Variants in CDKL2 observed in about 807,000 individuals in gnomAD.
CDKL2 encodes the protein cyclin-dependent kinase-like 2.
Under a neutral mutation model 63.9 loss-of-function variants are expected in CDKL2, and 64 were observed. The observed-to-expected ratio is 1.00, with a 90% CI of 0.82 to 1.23. The LOEUF is 1.23. Ranked by LOEUF, CDKL2 falls within the 50% of genes most tolerant of loss-of-function variation. The pLI, the probability that CDKL2 is intolerant of heterozygous loss-of-function variation, is 0.00. For synonymous variants in CDKL2, 211 were observed against 229.2 expected (o/e 0.92, Z 0.72); for missense variants, 656 against 668.0 (o/e 0.98, Z 0.20).
chr4:75,601,547 AG>A (rs751852756), intron 6 of CDKL2, among the ~76,000 whole-genome samples: 13 of 152,142 alleles, frequency 8.5e-5, no homozygotes, highest in Non-Finnish European at 1.6e-4. Flanking sequence ...GATTATCAAA[AG>A]GTTGATAATT....
intron 6 of CDKL2, 34 bp from the exon 7 acceptor site, chr4:75,600,403 A>G: frequency 1.6e-6 from 2 of 1,271,476 alleles, no homozygotes; most frequent in Non-Finnish European, 2.3e-6. Context: ...GTTCATATCA[A>G]GAAAAACTAC....
intron 4 of CDKL2, among the ~76,000 whole-genome samples, chr4:75,606,483 G>A (rs1729431340): frequency 6.6e-6 from 1 of 152,192 alleles, no homozygotes; most frequent in Non-Finnish European, 1.5e-5. Context: ...AAAGTGCTGG[G>A]ATTACAGGCA....
intron 2 of CDKL2, among the ~76,000 whole-genome samples, chr4:75,618,379 CG>C (rs2148906997): frequency 6.7e-6 from 1 of 150,282 alleles, no homozygotes; most frequent in South Asian, 2.1e-4. Flanking sequence ...CTCAGCCTCC[CG>C]AATAGCTGGG....
chr4:75,581,053 T>C lies in CDKL2; in HGVS notation c.*23+757A>G, dbSNP rs577889555. ...ATTTAAAAGGAAGTCAATAATTTGG[T>C]ATAGCACTGATCTCTCTTTATTGGG... On this transcript the variant is annotated intron_variant, in intron 13 of 13. Coordinates refer to ENST00000307465, the MANE Select transcript of CDKL2 (RefSeq NM_001330724.2). 1.4e-4 allele frequency among the ~76,000 whole-genome samples: 22 copies of C among 152,290 alleles called. No homozygotes were observed. In the South Asian group the frequency reaches 4.1e-3, roughly 29 times the overall value.
At chr4:75,605,774 C>G in intron 4 of CDKL2, 140 bp from the exon 5 acceptor site, 1 of 584,738 alleles carries the variant, frequency 1.7e-6, no homozygotes, top group South Asian at 2.4e-5. Context: ...TTGGCATGCT[C>G]CAATGGTATA....
chr4:75,588,073 G>A (rs1293891793), intron 12 of CDKL2, among the ~76,000 whole-genome samples: 1 of 151,686 alleles, frequency 6.6e-6, no homozygotes, highest in South Asian at 2.1e-4. Context: ...AATTAGCCGG[G>A]CGTGGTGGTG....
At chr4:75,628,334 A>G (rs893168162) in intron 1 of CDKL2, among the ~76,000 whole-genome samples, 1 of 151,994 alleles carries the variant, frequency 6.6e-6, no homozygotes, top group Non-Finnish European at 1.5e-5. Context: ...CCAGGATTGT[A>G]TCGATCTCCT....
At chr4:75,612,091 C>T (rs4859538) in intron 3 of CDKL2, among the ~76,000 whole-genome samples, 42,007 of 152,018 alleles carry the variant, frequency 0.28, 7,613 homozygotes, top group East Asian at 0.77. Flanking sequence ...TTGCCTCAGC[C>T]TCCCAAGCAG....
chr4:75,607,107 A>G, intron 4 of CDKL2, 76 bp downstream of exon 4: 2 of 1,163,164 alleles, frequency 1.7e-6, no homozygotes, highest in South Asian at 1.6e-5. Flanking sequence ...GGGATCATTT[A>G]CTATATCATA....
In CDKL2 at chr4:75,630,099, T is replaced by A. The variant is rs1367796213; in HGVS notation, c.-87A>T. On this transcript the variant is annotated 5_prime_UTR_variant, in exon 1 of 14. Transcript: ENST00000307465. ...AAAGGTTTTCAACTTGGAAACAAAT[T>A]TGAGGTGAAATGCATATGGTTCGCA... is the stretch of plus-strand genomic sequence containing the variant. The A allele has an allele frequency of 6.6e-6, 1 of 152,504 alleles. No individual in the cohort carries two copies. The highest frequency in any genetic ancestry group is 1.5e-5 in the Non-Finnish European group (1 of 68,028). 9.4% of individuals were successfully genotyped at this position (152,504 alleles called of 1,614,324 possible). A position where few individuals can be genotyped will look rare whatever the true frequency, so the allele number is the denominator to read the frequency against.
At chr4:75,592,350 C>A in intron 10 of CDKL2, 81 bp from the exon 11 acceptor site, 1 of 1,206,948 alleles carries the variant, frequency 8.3e-7, no homozygotes, top group Non-Finnish European at 1.1e-6. Flanking sequence ...CTCCTATGTT[C>A]ATATCCTAAA....
intron 2 of CDKL2, among the ~76,000 whole-genome samples, chr4:75,624,112 C>T (rs1263819164): frequency 4.9e-5 from 6 of 121,972 alleles, no homozygotes; most frequent in African/African-American, 1.9e-4. Context: ...GCCTAGATGA[C>T]AAGTGTGAAA....
chr4:75,587,903 CAAAA>C (rs72495158), intron 12 of CDKL2, among the ~76,000 whole-genome samples: 2 of 83,730 alleles, frequency 2.4e-5, no homozygotes, highest in Admixed American at 1.4e-4. Flanking sequence ...GATTCTGTCT[CAAAA>C]AAAAAAAAAA....
At chr4:75,606,194 G>T (rs1301669004) in intron 4 of CDKL2, among the ~76,000 whole-genome samples, 2 of 148,812 alleles carry the variant, frequency 1.3e-5, no homozygotes, top group African/African-American at 4.9e-5. Flanking sequence ...ACAATGAAGA[G>T]AACTGAGGGA....
Position 75,579,049 on chromosome 4 carries a change from T to C in CDKL2, c.*153A>G, listed in dbSNP as rs2148852198. On this transcript the variant is annotated 3_prime_UTR_variant, in exon 14 of 14. Coordinates refer to ENST00000307465, the MANE Select transcript of CDKL2 (RefSeq NM_001330724.2). ...AACATTTGGAAGTCTTTGTCTTTCCTTCTTCTAGAAGGCCTTCCTCAGAAA... is the reference window on the plus strand; with the variant it reads ...AACATTTGGAAGTCTTTGTCTTTCCCTCTTCTAGAAGGCCTTCCTCAGAAA... 6.5e-6 allele frequency: 1 copy of C among 152,750 alleles called. No individual in the cohort carries two copies. The highest frequency in any genetic ancestry group is 3.4e-3 in the Middle Eastern group (1 of 294). 9.5% of individuals were successfully genotyped at this position (152,750 alleles called of 1,614,324 possible).
Position 75,602,694 on chromosome 4 carries a change from T to C in CDKL2, c.795+1123A>G, listed in dbSNP as rs573756717. Among the ~76,000 whole-genome samples the C allele has an allele frequency of 2.0e-4, 30 of 151,980 alleles. No individual in the cohort carries two copies. In the South Asian group the frequency reaches 6.0e-3, roughly 30 times the overall value. ...GCACCACCATGCCCAGCTAATTTTTTTGTATTTCTAATAGAGATGGGGTTT... is the reference window on the plus strand; with the variant it reads ...GCACCACCATGCCCAGCTAATTTTTCTGTATTTCTAATAGAGATGGGGTTT... On this transcript the variant is annotated intron_variant, in intron 6 of 13. Transcript: ENST00000307465.
chr4:75,589,634 G>T (rs1210580363), intron 12 of CDKL2, among the ~76,000 whole-genome samples: 1 of 152,088 alleles, frequency 6.6e-6, no homozygotes, highest in Non-Finnish European at 1.5e-5. Flanking sequence ...TACTTACCAA[G>T]TGACCCAGCA....
chr4:75,603,756 A>G, intron 6 of CDKL2, 61 bp downstream of exon 6: 1 of 1,299,932 alleles, frequency 7.7e-7, no homozygotes, highest in Non-Finnish European at 1.0e-6. Flanking sequence ...AAAAAAAAAA[A>G]AAAAGGTCTT....
rs192670578 is a variant in CDKL2, at chr4:75,611,370, A to G, written c.363+2885T>C. 3.7e-3 allele frequency among the ~76,000 whole-genome samples: 556 copies of G among 151,748 alleles called. 2 individuals are homozygous for G. The highest frequency in any genetic ancestry group is 0.013 in the African/African-American group (538 of 41,362). ...GCTACTTGAGAGGCTGAGGCAGGAG[A>G]ACCGCTTGAACCCAGGAGGCAGAGG... On this transcript the variant is annotated intron_variant, in intron 3 of 13. Coordinates refer to ENST00000307465, the MANE Select transcript of CDKL2 (RefSeq NM_001330724.2).
Sources: allele counts gnomAD v4.1 joint callset (sites outside exome capture counted in the v4.1 genomes callset), GRCh38; gene constraint gnomAD v4.1.1; transcripts MANE v1.5; gene names NCBI Gene and HGNC (gene_info 2026-07-23, HGNC 2026-07-21).